Variants in SGIP1 observed in about 807,000 individuals in gnomAD.
SGIP1 encodes SH3-containing GRB2-like protein 3-interacting protein 1.
SGIP1 carries 38 observed loss-of-function variants against 107.5 expected under a neutral mutation model. The observed-to-expected ratio is 0.35, with a 90% CI of 0.27 to 0.46. The LOEUF (loss-of-function observed/expected upper bound fraction) is 0.46. SGIP1 is among the 20% of genes least tolerant of loss of function. The probability of loss-of-function intolerance (pLI) is 1.00; values close to 1 mark genes in which losing one functional copy is unlikely to be tolerated. For synonymous variants in SGIP1, 365 were observed against 366.1 expected, an observed-to-expected ratio of 1.00 and a Z score of 0.03; for missense variants, 929 against 1,019.5, an observed-to-expected ratio of 0.91 and a Z score of 1.21.
At chr1:66,727,337 AAAC>A (rs1436787192) in intron 19 of SGIP1, among the ~76,000 whole-genome samples, 4 of 152,248 alleles carry the variant, frequency 2.6e-5, no homozygotes, top group Non-Finnish European at 4.4e-5. Flanking sequence ...ATGCAAATTA[AAAC>A]AACAAGAAGA....
At chr1:66,729,228 TTC>T (rs3078564) in intron 19 of SGIP1, 34 bp from the exon 20 acceptor site, 493,365 of 1,609,428 alleles carry the variant, frequency 0.31, 76,540 homozygotes, top group South Asian at 0.33. Context: ...GACATGGATT[TTC>T]TCTCTCTTTC....
At chr1:66,608,750 A>G (rs772148655) in intron 1 of SGIP1, among the ~76,000 whole-genome samples, 28 of 152,228 alleles carry the variant, frequency 1.8e-4, no homozygotes, top group Admixed American at 6.5e-4. Context: ...ATTTTCGCTG[A>G]CCTTAAAACG....
intron 1 of SGIP1, among the ~76,000 whole-genome samples, chr1:66,589,683 A>C (rs2063319582): frequency 6.6e-6 from 1 of 152,132 alleles, no homozygotes; most frequent in Admixed American, 6.5e-5. Context: ...AACAAATGAG[A>C]GTGTTTGACA....
chr1:66,667,556 C>A lies in SGIP1; in HGVS notation c.483+15C>A. The A allele has an allele frequency of 1.9e-6, 3 of 1,613,242 alleles. No individual in the cohort carries two copies. Among genetic ancestry groups the A allele is most frequent in the Non-Finnish European group, 2.5e-6 (3 of 1,179,248 alleles). On this transcript the variant is annotated intron_variant, in intron 9 of 24. Transcript: ENST00000371037. ...GGCGCAGCCCGGTAAGAACTCTCAACATTTTTACCTTAAACATGTATAGAG... is the reference window on the plus strand; with the variant it reads ...GGCGCAGCCCGGTAAGAACTCTCAAAATTTTTACCTTAAACATGTATAGAG...
At chr1:66,723,939 T>C (rs1199562588) in intron 19 of SGIP1, among the ~76,000 whole-genome samples, 3 of 152,148 alleles carry the variant, frequency 2.0e-5, no homozygotes, top group African/African-American at 7.2e-5. Flanking sequence ...GAAGGCTAAA[T>C]GGAGAGGATA....
intron 2 of SGIP1, among the ~76,000 whole-genome samples, chr1:66,631,550 TTA>T (rs1433981285): frequency 1.3e-5 from 2 of 152,168 alleles, no homozygotes; most frequent in Non-Finnish European, 2.9e-5. Context: ...GTCAAGTGTA[TTA>T]TAATCCAAGT....
chr1:66,597,781 T>C (rs1034284910), intron 1 of SGIP1, among the ~76,000 whole-genome samples: 10 of 152,148 alleles, frequency 6.6e-5, no homozygotes, highest in Non-Finnish European at 2.9e-5. Context: ...CCATGCCAAG[T>C]AAAAAGGATT....
chr1:66,551,996 C>T (rs565847693), intron 1 of SGIP1, among the ~76,000 whole-genome samples: 1 of 152,232 alleles, frequency 6.6e-6, no homozygotes, highest in Non-Finnish European at 1.5e-5. Context: ...CTCACCATAC[C>T]TCTATGAGGA....
rs750522569 is a variant in SGIP1 at position 66,690,172 on chromosome 1, CTT to C, written c.1444-15_1444-14del. 3.7e-6 allele frequency: 6 copies of C among 1,600,328 alleles called. No homozygotes were observed. Among genetic ancestry groups the C allele is most frequent in the Non-Finnish European group, 4.3e-6 (5 of 1,173,082 alleles). On this transcript the variant is annotated splice_polypyrimidine_tract_variant and intron_variant, in intron 16 of 24. Coordinates refer to ENST00000371037, the MANE Select transcript of SGIP1 (RefSeq NM_032291.4). ...AACCTGTGTATCTAACTTTTCATCT[CTT>C]TTCTTCTCCTTACAGTCCAGACCTT...
intron 7 of SGIP1, among the ~76,000 whole-genome samples, chr1:66,644,502 G>A (rs1283595238): frequency 6.6e-6 from 1 of 152,100 alleles, no homozygotes; most frequent in African/African-American, 2.4e-5. Context: ...ATGGTTGTGA[G>A]GAACAGATGA....
chr1:66,601,560 A>G (rs574999887), intron 1 of SGIP1, among the ~76,000 whole-genome samples: 1 of 152,282 alleles, frequency 6.6e-6, no homozygotes, highest in East Asian at 1.9e-4. Flanking sequence ...AGAAAAGAAT[A>G]GAATAGAATC....
chr1:66,729,480 A>G, intron 20 of SGIP1, 61 bp downstream of exon 20: 2 of 1,592,318 alleles, frequency 1.3e-6, no homozygotes, highest in South Asian at 2.2e-5. Context: ...TTGTACTTAG[A>G]TGAGGGATAT....
In SGIP1 at chr1:66,742,248, C is replaced by T. The variant is rs545532001; in HGVS notation, c.2464+812C>T. Among the ~76,000 whole-genome samples, 5 of 152,102 alleles carry T rather than the reference C, an allele frequency of 3.3e-5. No homozygotes were observed. The East Asian group carries it at 9.7e-4, about 29-fold the overall frequency. On this transcript the variant is annotated intron_variant, in intron 24 of 24. Coordinates refer to ENST00000371037, the MANE Select transcript of SGIP1 (RefSeq NM_032291.4). ...CCATAAGCTGAATGTGGCCATGAGA[C>T]AGGTTTTATTTGGCACAAACAATGG...
At chr1:66,718,739 A>G (rs1043567935) in intron 18 of SGIP1, among the ~76,000 whole-genome samples, 3 of 151,974 alleles carry the variant, frequency 2.0e-5, no homozygotes, top group African/African-American at 7.3e-5. Flanking sequence ...TGGTAAGTCG[A>G]TGTGTATAGT....
intron 2 of SGIP1, among the ~76,000 whole-genome samples, chr1:66,628,069 A>G (rs1401499141): frequency 6.6e-6 from 1 of 152,114 alleles, no homozygotes; most frequent in Non-Finnish European, 1.5e-5. Context: ...CCTACAAAGG[A>G]CATGAACTCA....
chr1:66,611,414 A>C (rs998845366), intron 1 of SGIP1, among the ~76,000 whole-genome samples: 6 of 152,230 alleles, frequency 3.9e-5, no homozygotes, highest in African/African-American at 1.4e-4. Flanking sequence ...CAAAGAGCCA[A>C]GCTTCTCTTC....
intron 1 of SGIP1, among the ~76,000 whole-genome samples, chr1:66,605,938 G>A (rs745906298): frequency 6.6e-6 from 1 of 152,084 alleles, no homozygotes; most frequent in Non-Finnish European, 1.5e-5. Flanking sequence ...ACCTAACCTC[G>A]ATGTTGGAAT....
intron 1 of SGIP1, among the ~76,000 whole-genome samples, chr1:66,579,482 T>G (rs539541992): frequency 6.6e-6 from 1 of 152,328 alleles, no homozygotes; most frequent in South Asian, 2.1e-4. Context: ...TGAAAAATTT[T>G]TAAAGCTGTG....
intron 1 of SGIP1, among the ~76,000 whole-genome samples, chr1:66,544,732 C>G (rs2055937222): frequency 1.3e-5 from 2 of 152,100 alleles, no homozygotes; most frequent in African/African-American, 4.8e-5. Context: ...TATAGGTGAT[C>G]TACCTGTGCA....
Sources: gnomAD v4.1 joint callset for allele counts (sites outside exome capture counted in the v4.1 genomes callset) on GRCh38, gnomAD v4.1.1 for gene constraint, MANE v1.5 for transcripts, NCBI Gene and HGNC (gene_info 2026-07-23, HGNC 2026-07-21) for gene names.